Variants in ZC3H7B observed in about 807,000 individuals in gnomAD.
ZC3H7B encodes the protein zinc finger CCCH-type containing 7B.
Under a neutral mutation model 116.0 loss-of-function variants are expected in ZC3H7B, and 35 were observed. The ratio of observed to expected loss-of-function variants is 0.30; its 90% CI spans 0.23 to 0.40. The LOEUF is 0.40. Among genes scored for constraint, ZC3H7B ranks in the 10% least tolerant of loss-of-function variants. The probability of loss-of-function intolerance (pLI) is 1.00; values close to 1 mark genes in which losing one functional copy is unlikely to be tolerated. For missense variants in ZC3H7B, 1,011 were observed against 1,321.5 expected, an observed-to-expected ratio of 0.77 and a Z score of 3.64; for synonymous variants, 502 against 545.6, an observed-to-expected ratio of 0.92 and a Z score of 1.11.
Position 41,332,179 on chromosome 22 carries a change from A to G in ZC3H7B, c.534A>G (p.Glu178=). The G allele has an allele frequency of 6.2e-7, 1 of 1,614,178 alleles. No individual in the cohort carries two copies. Among genetic ancestry groups the G allele is most frequent in the Non-Finnish European group, 8.5e-7 (1 of 1,180,016 alleles). ...RKAYKRPQEL[E]TFSLLSNGTA... is the part of the protein sequence containing the mutation. ...TCTCCAATCTCTGGCAGGAATTGGA[A>G]ACCTTTTCTCTGCTCAGTAACGGCA... The change falls in exon 7 of 23, where the codon GAA becomes GAG. Residue 178 remains glutamate, a synonymous_variant. Coordinates refer to ENST00000352645, the MANE Select transcript of ZC3H7B (RefSeq NM_017590.6).
intron 5 of ZC3H7B, among the ~76,000 whole-genome samples, chr22:41,329,210 ATC>A (rs2036352375): frequency 1.3e-5 from 2 of 151,002 alleles, no homozygotes; most frequent in African/African-American, 4.9e-5. Flanking sequence ...ATCTCAAAAA[ATC>A]AAAAAGAAAG....
chr22:41,352,881 C>T (rs1393938355), intron 17 of ZC3H7B, among the ~76,000 whole-genome samples: 1 of 151,490 alleles, frequency 6.6e-6, no homozygotes, highest in Admixed American at 6.6e-5. Context: ...AGTTTGAGAC[C>T]AGCCTGGCAA....
chr22:41,328,410 T>C (rs1371886191), intron 5 of ZC3H7B, among the ~76,000 whole-genome samples: 3 of 152,210 alleles, frequency 2.0e-5, no homozygotes, highest in Non-Finnish European at 4.4e-5. Context: ...TGCTCCATGC[T>C]GGGCACTGGG....
Position 41,357,514 on chromosome 22 carries a change from A to C in ZC3H7B, c.*85A>C. ...CCTGATAGAAGGGTCAGGGCAGGCC[A>C]GGGGGGTGGGGGGCCGCCCTCATCA... is the stretch of plus-strand genomic sequence containing the variant. On this transcript the variant is annotated 3_prime_UTR_variant, in exon 23 of 23. Coordinates refer to ENST00000352645, the MANE Select transcript of ZC3H7B (RefSeq NM_017590.6). The surrounding 1 kb of genome is among the most constrained non-coding windows in gnomAD (Gnocchi z 5.4). The C allele has an allele frequency of 1.1e-4, 30 of 275,172 alleles. No homozygotes were observed. The highest frequency in any genetic ancestry group is 1.2e-3 in the Middle Eastern group (1 of 852). 17.0% of individuals were successfully genotyped at this position (275,172 alleles called of 1,614,324 possible). A position where few individuals can be genotyped will look rare whatever the true frequency, so the allele number is the denominator to read the frequency against.
intron 1 of ZC3H7B, among the ~76,000 whole-genome samples, chr22:41,318,881 C>G (rs1415111077): frequency 2.6e-5 from 4 of 152,192 alleles, no homozygotes; most frequent in Non-Finnish European, 4.4e-5. Context: ...TCCCTCAGGA[C>G]CTTTGCACTC....
chr22:41,323,900 C>G lies in ZC3H7B; in HGVS notation c.54-1664C>G, dbSNP rs974096664. 3.3e-5 allele frequency among the ~76,000 whole-genome samples: 5 copies of G among 152,134 alleles called. No individual in the cohort carries two copies. The East Asian group carries it at 9.6e-4, about 29-fold the overall frequency. Reference sequence around the variant, plus strand: ...CCCGGCTAACATGGTGAAACCCTGTCTCTACTAAAAATACAAAAAATTAGC... The same window carrying G: ...CCCGGCTAACATGGTGAAACCCTGTGTCTACTAAAAATACAAAAAATTAGC... On this transcript the variant is annotated intron_variant, in intron 2 of 22. Coordinates refer to ENST00000352645, the MANE Select transcript of ZC3H7B (RefSeq NM_017590.6).
In ZC3H7B at chr22:41,325,767, A is replaced by T; in HGVS notation, c.134A>T (p.Asp45Val). 1.2e-6 allele frequency: 2 copies of T among 1,613,986 alleles called. No individual in the cohort carries two copies. Among genetic ancestry groups the T allele is most frequent in the Non-Finnish European group, 1.7e-6 (2 of 1,180,006 alleles). Residue 45 changes from aspartate (D) to valine (V), a missense_variant, in exon 4 of 23, where the codon GAT becomes GTT. Coordinates refer to ENST00000352645, the MANE Select transcript of ZC3H7B (RefSeq NM_017590.6). ...LVQNLFAEGNDLFREKDYKQA... is the reference protein window; with the variant it reads ...LVQNLFAEGNVLFREKDYKQA... ...CAGAATCTGTTTGCTGAGGGCAATG[A>T]TCTGTTCCGGGAGAAGGACTATAAG...
intron 17 of ZC3H7B, 54 bp from the exon 18 acceptor site, chr22:41,355,415 G>GCCTC: frequency 6.2e-7 from 1 of 1,604,018 alleles, no homozygotes; most frequent in Non-Finnish European, 8.5e-7. Context: ...AGACTCCAGG[G>GCCTC]CCTCAGGCCT....
chr22:41,348,049 C>T lies in ZC3H7B; in HGVS notation c.1666-18C>T, dbSNP rs1448359566. ...CAGGTGGCCATGCCAGGTCCCAGCC[C>T]TTCCCCTCCCTGGGCAGATCTGCTT... On this transcript the variant is annotated intron_variant, in intron 14 of 22. Coordinates refer to ENST00000352645, the MANE Select transcript of ZC3H7B (RefSeq NM_017590.6). 1.2e-6 allele frequency: 2 copies of T among 1,612,616 alleles called. No individual in the cohort carries two copies. Among genetic ancestry groups the T allele is most frequent in the East Asian group, 2.2e-5 (1 of 44,848 alleles).
At position 41,351,577 on chromosome 22, in the gene ZC3H7B, C is replaced by T; in HGVS notation, c.1965C>T (p.Asp655=). Residue 655 remains aspartate (D), a synonymous_variant, in exon 17 of 23, where the codon GAC becomes GAT. Coordinates refer to ENST00000352645, the MANE Select transcript of ZC3H7B (RefSeq NM_017590.6). This position sits in a 1 kb window ranked among gnomAD's most constrained non-coding sequence, Gnocchi z 5.1. ...LQQYSGMTHE[D]IVQESKKYWQ... is the part of the protein sequence containing the mutation. ...CCTCCCCAGGCATGACCCACGAAGA[C>T]ATCGTTCAGGAGTCTAAGAAGTACT... The T allele has an allele frequency of 6.2e-7, 1 of 1,613,814 alleles. No individual in the cohort carries two copies.
Position 41,349,339 on chromosome 22 carries a change from C to T in ZC3H7B, c.1948+38C>T, listed in dbSNP as rs1207015260. 1.9e-6 allele frequency: 3 copies of T among 1,606,694 alleles called. No homozygotes were observed. The highest frequency in any genetic ancestry group is 2.2e-5 in the East Asian group (1 of 44,742). ...CGGTGCAGGTGGAGGGCAGGTGACT[C>T]AGGTGAGGGGTAGGCGGCGCAGGTG... On this transcript the variant is annotated intron_variant, in intron 16 of 22. Transcript: ENST00000352645. This position sits in a 1 kb window ranked among gnomAD's most constrained non-coding sequence, Gnocchi z 4.9.
intron 1 of ZC3H7B, among the ~76,000 whole-genome samples, chr22:41,312,765 G>A (rs891189490): frequency 6.6e-6 from 1 of 151,828 alleles, no homozygotes; most frequent in African/African-American, 2.4e-5. Context: ...AAAAAAATTA[G>A]CCAAGCGTGA....
rs1248240712 is a variant in ZC3H7B, at chr22:41,327,020, CAG to C, written c.286-183_286-182del. Among the ~76,000 whole-genome samples the C allele has an allele frequency of 6.6e-6, 1 of 152,246 alleles. No individual in the cohort carries two copies. Among genetic ancestry groups the C allele is most frequent in the African/African-American group, 2.4e-5 (1 of 41,466 alleles). ...AGCTGGACACACAGACACCCTTGAT[CAG>C]AGTCTGGACACCAGAGTGCTTCCTT... On this transcript the variant is annotated intron_variant, in intron 4 of 22. Coordinates refer to ENST00000352645, the MANE Select transcript of ZC3H7B (RefSeq NM_017590.6). This position sits in a 1 kb window ranked among gnomAD's most constrained non-coding sequence, Gnocchi z 4.5.
intron 13 of ZC3H7B, among the ~76,000 whole-genome samples, chr22:41,345,684 G>C (rs1308116987): frequency 1.3e-5 from 2 of 152,206 alleles, no homozygotes; most frequent in Admixed American, 1.3e-4. Context: ...TACTCTGCAG[G>C]TGTGGAGTGC....
intron 16 of ZC3H7B, among the ~76,000 whole-genome samples, chr22:41,350,554 A>G (rs2036643267): frequency 6.6e-6 from 1 of 152,126 alleles, no homozygotes; most frequent in South Asian, 2.1e-4. Context: ...AGCCAACAAG[A>G]TGTGTTGATG....
Position 41,327,409 on chromosome 22 carries a change from G to A in ZC3H7B, c.444+45G>A, listed in dbSNP as rs769349329. 5.0e-6 allele frequency: 8 copies of A among 1,594,286 alleles called. No homozygotes were observed. Among genetic ancestry groups the A allele is most frequent in the Non-Finnish European group, 6.8e-6 (8 of 1,174,898 alleles). ...CACGCCGGTGCCTGCTCAGAGGCCA[G>A]GCTTCTGACCTTCCGGCCCTCACTT... On this transcript the variant is annotated intron_variant, in intron 5 of 22. Coordinates refer to ENST00000352645, the MANE Select transcript of ZC3H7B (RefSeq NM_017590.6). This position sits in a 1 kb window ranked among gnomAD's most constrained non-coding sequence, Gnocchi z 4.5.
rs1218298037 is a variant in ZC3H7B at position 41,355,602 on chromosome 22, G to A, written c.2168G>A (p.Cys723Tyr). ...LKYCSAKARH[C>Y]WTKERRVLLV... The stretch of plus-strand genomic sequence containing the variant: ...TACTGTAGTGCCAAGGCCCGGCACT[G>A]GTGAGTGGGATGCCAGGTGGGGGCT... Residue 723 changes from cysteine to tyrosine, a missense_variant and splice_region_variant, in exon 18 of 23, where the codon TGC (cysteine) becomes TAC (tyrosine). Cys to Tyr is a radical substitution (Grantham distance 194, BLOSUM62 -2). This residue lies in a region of ZC3H7B where 406 missense variants were observed against 590.2 expected (regional missense o/e 0.69). Coordinates refer to ENST00000352645, the MANE Select transcript of ZC3H7B (RefSeq NM_017590.6). The A allele has an allele frequency of 6.2e-7, 1 of 1,614,128 alleles. No homozygotes were observed. Among genetic ancestry groups the A allele is most frequent in the Non-Finnish European group, 8.5e-7 (1 of 1,179,998 alleles).
At chr22:41,312,337 A>T (rs1056813755) in intron 1 of ZC3H7B, among the ~76,000 whole-genome samples, 1 of 151,542 alleles carries the variant, frequency 6.6e-6, no homozygotes. Flanking sequence ...GCATGATGGC[A>T]CATTCCTGTA....
chr22:41,322,743 G>A (rs969925145), intron 2 of ZC3H7B, among the ~76,000 whole-genome samples: 7 of 152,126 alleles, frequency 4.6e-5, no homozygotes, highest in African/African-American at 1.7e-4. Context: ...TCGCCTCTAT[G>A]TTCCCTTATA....
Sources: gnomAD v4.1 joint callset for allele counts (sites outside exome capture counted in the v4.1 genomes callset) on GRCh38, gnomAD v4.1.1 for gene constraint, gnomAD v4.1.1 regional missense constraint, Gnocchi (gnomAD v3.1) non-coding constraint, MANE v1.5 for transcripts, NCBI Gene and HGNC (gene_info 2026-07-23, HGNC 2026-07-21) for gene names.